SETD5: variants seen among roughly 807,000 people sequenced by gnomAD.
SETD5 encodes the protein histone-lysine N-methyltransferase SETD5.
A neutral mutation model predicts 153.3 loss-of-function variants in SETD5; 44 were observed. The ratio of observed to expected loss-of-function variants is 0.29; its 90% CI spans 0.23 to 0.37. The LOEUF (loss-of-function observed/expected upper bound fraction) is 0.37. Ranked by LOEUF, SETD5 falls within the 10% of genes least tolerant of loss-of-function variation. The pLI is 1.00. For missense variants in SETD5, 1,544 were observed against 1,768.0 expected (o/e 0.87, Z 2.27); for synonymous variants, 716 against 645.2 (o/e 1.11, Z -1.66).
Position 9,475,695 on chromosome 3 carries a change from G to A in SETD5, c.3933G>A (p.Leu1311=). The A allele has an allele frequency of 6.2e-7, 1 of 1,613,916 alleles. No individual in the cohort carries two copies. Among genetic ancestry groups the A allele is most frequent in the Non-Finnish European group, 8.5e-7 (1 of 1,179,878 alleles). ...CCCACCCTGTGTCCACAGACTCGTT[G>A]GCCCCATTTACGGGGACACCAGGGT... The part of the protein sequence containing the change: ...SPAHPVSTDS[L]APFTGTPGYF... The change falls in exon 23 of 23, where the codon TTG becomes TTA. Residue 1311 remains leucine (L), a synonymous_variant. Transcript: ENST00000402198.
intron 1 of SETD5, among the ~76,000 whole-genome samples, chr3:9,407,202 C>G (rs2035836284): frequency 6.6e-6 from 1 of 152,100 alleles, no homozygotes; most frequent in Non-Finnish European, 1.5e-5. Context: ...GTGGTGCGAG[C>G]TTGTAATCCC....
chr3:9,476,239 T>G lies in SETD5; in HGVS notation c.*148T>G. ...TCTGGTGGACAAGAAACAAGACTTGTGGTCACAATTGGCCTCTGGCCTTGG... is the reference window on the plus strand; with the variant it reads ...TCTGGTGGACAAGAAACAAGACTTGGGGTCACAATTGGCCTCTGGCCTTGG... On this transcript the variant is annotated 3_prime_UTR_variant, in exon 23 of 23. Transcript: ENST00000402198. 1 of 1,101,130 alleles carries G rather than the reference T, an allele frequency of 9.1e-7. No individual in the cohort carries two copies. The highest frequency in any genetic ancestry group is 1.7e-5 in the South Asian group (1 of 60,166). 68.2% of individuals were successfully genotyped at this position (1,101,130 alleles called of 1,614,324 possible).
At chr3:9,462,934 C>CTTT (rs969915704) in intron 17 of SETD5, among the ~76,000 whole-genome samples, 4 of 143,046 alleles carry the variant, frequency 2.8e-5, no homozygotes, top group Non-Finnish European at 6.1e-5. Context: ...GAAAATACAG[C>CTTT]TTTTTTTTTT....
intron 17 of SETD5, among the ~76,000 whole-genome samples, chr3:9,457,816 G>T (rs2043448422): frequency 6.8e-6 from 1 of 147,104 alleles, no homozygotes; most frequent in Admixed American, 6.8e-5. Flanking sequence ...ATATATATAT[G>T]TGTATATATA....
At chr3:9,473,780 T>C (rs2045579055) in intron 20 of SETD5, among the ~76,000 whole-genome samples, 1 of 152,202 alleles carries the variant, frequency 6.6e-6, no homozygotes, top group African/African-American at 2.4e-5. Context: ...CATGTAGTTA[T>C]GGATGCAGAT....
At chr3:9,446,062 C>T (rs1259771323) in intron 13 of SETD5, among the ~76,000 whole-genome samples, 16 of 137,700 alleles carry the variant, frequency 1.2e-4, no homozygotes, top group Non-Finnish European at 1.8e-4. Flanking sequence ...GCGAGGTGGG[C>T]GGATCACGAG....
intron 3 of SETD5, chr3:9,430,957 T>G: frequency 1.0e-6 from 1 of 985,456 alleles, no homozygotes; most frequent in Non-Finnish European, 1.2e-6. Flanking sequence ...TATGCATTTC[T>G]GCAAAGGGAA....
chr3:9,425,575 C>CTTTTT (rs767789314), intron 2 of SETD5, among the ~76,000 whole-genome samples: 1 of 108,080 alleles, frequency 9.3e-6, no homozygotes, highest in Non-Finnish European at 1.9e-5. Flanking sequence ...AGAAACTGTA[C>CTTTTT]TTTTTTTTTT....
At chr3:9,413,638 G>A (rs981786012) in intron 1 of SETD5, among the ~76,000 whole-genome samples, 2 of 133,004 alleles carry the variant, frequency 1.5e-5, no homozygotes, top group African/African-American at 2.8e-5. Context: ...TCTTCGGGTG[G>A]GGGGAGGCGG....
intron 18 of SETD5, among the ~76,000 whole-genome samples, chr3:9,468,270 T>C (rs948263633): frequency 1.3e-5 from 2 of 152,150 alleles, no homozygotes; most frequent in Non-Finnish European, 2.9e-5. Flanking sequence ...GATGTTTACT[T>C]ACAGCATGAA....
chr3:9,401,404 A>AT (rs1174993986), intron 1 of SETD5, among the ~76,000 whole-genome samples: 1 of 152,176 alleles, frequency 6.6e-6, no homozygotes, highest in Non-Finnish European at 1.5e-5. Context: ...TGATATTATC[A>AT]TTTTTTAGAG....
At chr3:9,411,046 G>A (rs1035747196) in intron 1 of SETD5, among the ~76,000 whole-genome samples, 6 of 151,954 alleles carry the variant, frequency 3.9e-5, no homozygotes, top group South Asian at 2.1e-4. Flanking sequence ...CTGCCACCAC[G>A]CCCAGCTAAT....
intron 9 of SETD5, 110 bp from the exon 10 acceptor site, chr3:9,442,018 C>A: frequency 1.3e-6 from 1 of 776,198 alleles, no homozygotes; most frequent in Non-Finnish European, 2.1e-6. Context: ...CAAGTTTAGG[C>A]GTTGCAAAAG....
chr3:9,421,070 T>A (rs1012413265), intron 1 of SETD5, among the ~76,000 whole-genome samples: 3 of 152,188 alleles, frequency 2.0e-5, no homozygotes, highest in South Asian at 2.1e-4. Flanking sequence ...TTTTTTTTTT[T>A]TTATTGTACA....
intron 22 of SETD5, 159 bp downstream of exon 22, chr3:9,475,315 A>C: frequency 8.6e-7 from 1 of 1,161,268 alleles, no homozygotes; most frequent in Middle Eastern, 2.0e-4. Flanking sequence ...AAATTATGCC[A>C]GAAGATGAAT....
intron 7 of SETD5, chr3:9,436,960 G>A: frequency 7.4e-7 from 1 of 1,356,526 alleles, no homozygotes; most frequent in Non-Finnish European, 1.0e-6. Context: ...CTTCTTTCCT[G>A]ACATTGATGG....
chr3:9,441,049 A>C (rs1031511773), intron 8 of SETD5, among the ~76,000 whole-genome samples: 29 of 147,336 alleles, frequency 2.0e-4, no homozygotes, highest in Non-Finnish European at 2.3e-4. Flanking sequence ...CTCTCTTTAC[A>C]AAAAAAAAAA....
intron 3 of SETD5, among the ~76,000 whole-genome samples, chr3:9,429,660 CAATG>C (rs2039742484): frequency 6.6e-6 from 1 of 152,124 alleles, no homozygotes; most frequent in South Asian, 2.1e-4. Context: ...TGCCAAATGA[CAATG>C]AAGGTAGGCC....
intron 1 of SETD5, among the ~76,000 whole-genome samples, chr3:9,414,827 T>A (rs529332169): frequency 5.5e-4 from 84 of 152,224 alleles, no homozygotes; most frequent in African/African-American, 1.9e-3. Context: ...TTTTTTTTTT[T>A]AATTTTTTTG....
Sources: gnomAD v4.1 joint callset for allele counts (sites outside exome capture counted in the v4.1 genomes callset) on GRCh38, gnomAD v4.1.1 for gene constraint, MANE v1.5 for transcripts, NCBI Gene and HGNC (gene_info 2026-07-23, HGNC 2026-07-21) for gene names.